Variants in GPC6 observed in about 807,000 individuals in gnomAD.
GPC6 encodes the protein glypican 6.
In GPC6, 14 loss-of-function variants were observed where a neutral mutation model predicts 55.2. The observed-to-expected ratio is 0.25, with a 90% CI of 0.17 to 0.40. The LOEUF is 0.40. GPC6 is among the 10% of genes least tolerant of loss of function. The pLI is 1.00. For missense variants in GPC6, 641 were observed against 708.5 expected (o/e 0.90, Z 1.08); for synonymous variants, 278 against 259.6 (o/e 1.07, Z -0.68).
chr13:93,479,812 G>T (rs774809116), intron 1 of GPC6, among the ~76,000 whole-genome samples: 1 of 152,182 alleles, frequency 6.6e-6, no homozygotes, highest in African/African-American at 2.4e-5. Flanking sequence ...GCTGAAAATT[G>T]TGAGTAATAA....
chr13:94,244,269 G>C (rs1465388911), intron 4 of GPC6, among the ~76,000 whole-genome samples: 1 of 152,130 alleles, frequency 6.6e-6, no homozygotes, highest in South Asian at 2.1e-4. Context: ...ACTCCGCAAA[G>C]CTTAATTATG....
chr13:93,765,308 T>TTCCAGATAAGCTGTCTGGAAA, intron 2 of GPC6, among the ~76,000 whole-genome samples: 1 of 148,686 alleles, frequency 6.7e-6, no homozygotes, highest in Non-Finnish European at 1.5e-5. Flanking sequence ...AAAGACAACT[T>TTCCAGATAAGCTGTCTGGAAA]ATTTGGTTTA....
At chr13:94,085,321 C>CA (rs33967804) in intron 4 of GPC6, among the ~76,000 whole-genome samples, 25,893 of 86,430 alleles carry the variant, frequency 0.3, 4,624 homozygotes, top group Non-Finnish European at 0.39. Context: ...GATTCTGTCT[C>CA]AAAAAAAAAA....
intron 3 of GPC6, among the ~76,000 whole-genome samples, chr13:93,996,417 A>C (rs1881557846): frequency 1.3e-5 from 2 of 152,158 alleles, no homozygotes; most frequent in South Asian, 4.1e-4. Context: ...ACTTGGTTTC[A>C]ATAAAACTTT....
intron 2 of GPC6, among the ~76,000 whole-genome samples, chr13:93,597,362 G>C (rs535030217): frequency 9.9e-5 from 15 of 152,246 alleles, no homozygotes; most frequent in Admixed American, 3.3e-4. Flanking sequence ...TTTCCCTATG[G>C]TGGTGTGAAG....
At chr13:94,027,974 G>T (rs1566307390) in intron 4 of GPC6, 80 bp downstream of exon 4, 2 of 1,291,678 alleles carry the variant, frequency 1.5e-6, no homozygotes, top group Admixed American at 1.7e-5. Flanking sequence ...TGGGTCAGAA[G>T]TTATAAGAAA....
chr13:93,554,145 CAA>C (rs35616377), intron 2 of GPC6, among the ~76,000 whole-genome samples: 1 of 136,878 alleles, frequency 7.3e-6, no homozygotes, highest in Non-Finnish European at 1.6e-5. Context: ...GAGACTCTGT[CAA>C]AAAAAAAAAA....
intron 1 of GPC6, among the ~76,000 whole-genome samples, chr13:93,255,731 A>G (rs1431590182): frequency 6.6e-6 from 1 of 152,180 alleles, no homozygotes; most frequent in Non-Finnish European, 1.5e-5. Flanking sequence ...TCTAATCTGG[A>G]AAATATAAGC....
intron 1 of GPC6, among the ~76,000 whole-genome samples, chr13:93,466,797 G>A (rs974542): frequency 0.18 from 27,687 of 152,076 alleles, 3,058 homozygotes; most frequent in East Asian, 0.48. Flanking sequence ...TCATGTGCTG[G>A]TGGAGTACTA....
intron 1 of GPC6, among the ~76,000 whole-genome samples, chr13:93,292,091 A>G (rs1878337158): frequency 6.6e-6 from 1 of 152,206 alleles, no homozygotes; most frequent in African/African-American, 2.4e-5. Context: ...CACAATGATA[A>G]ATAAATCAAA....
intron 1 of GPC6, among the ~76,000 whole-genome samples, chr13:93,500,449 A>G (rs898214117): frequency 9.9e-5 from 15 of 152,168 alleles, no homozygotes; most frequent in African/African-American, 3.6e-4. Flanking sequence ...GCCAGCTAGT[A>G]GGAGAACATT....
chr13:93,911,151 G>C (rs1292110857), intron 3 of GPC6, among the ~76,000 whole-genome samples: 1 of 152,182 alleles, frequency 6.6e-6, no homozygotes, highest in Non-Finnish European at 1.5e-5. Flanking sequence ...TATACAAAGA[G>C]GAACAGAGTT....
chr13:93,448,188 G>T (rs1325542054), intron 1 of GPC6, among the ~76,000 whole-genome samples: 2 of 152,142 alleles, frequency 1.3e-5, no homozygotes, highest in East Asian at 3.9e-4. Flanking sequence ...GGTCAAGGAT[G>T]AACCACATAT....
intron 2 of GPC6, among the ~76,000 whole-genome samples, chr13:93,640,808 C>T (rs1278367658): frequency 2.6e-5 from 2 of 78,228 alleles, no homozygotes; most frequent in African/African-American, 3.9e-5. Flanking sequence ...TCCTTCCTTC[C>T]TTCCTTCTTT....
At chr13:93,421,537 G>A (rs902490691) in intron 1 of GPC6, among the ~76,000 whole-genome samples, 1 of 152,100 alleles carries the variant, frequency 6.6e-6, no homozygotes, top group Non-Finnish European at 1.5e-5. Flanking sequence ...ACAACGTCGA[G>A]CTATATACAT....
intron 3 of GPC6, among the ~76,000 whole-genome samples, chr13:93,929,273 A>T (rs2140352834): frequency 6.6e-6 from 1 of 152,300 alleles, no homozygotes; most frequent in Non-Finnish European, 1.5e-5. Context: ...AGTTTTATCC[A>T]AGTACAGATC....
intron 3 of GPC6, among the ~76,000 whole-genome samples, chr13:93,988,458 C>T (rs140248568): frequency 5.9e-5 from 9 of 152,216 alleles, no homozygotes; most frequent in East Asian, 3.9e-4. Context: ...TAATGCATTA[C>T]GTTAAATGAT....
At chr13:94,025,802 C>G (rs1484306841) in intron 3 of GPC6, among the ~76,000 whole-genome samples, 1 of 152,102 alleles carries the variant, frequency 6.6e-6, no homozygotes, top group Non-Finnish European at 1.5e-5. Context: ...TATTTTACTT[C>G]ATTTATTTGA....
intron 3 of GPC6, among the ~76,000 whole-genome samples, chr13:94,002,743 A>G (rs1881860478): frequency 6.6e-6 from 1 of 152,170 alleles, no homozygotes; most frequent in Non-Finnish European, 1.5e-5. Flanking sequence ...TTTTAGCAGA[A>G]GATTTTTGCC....
Sources: gnomAD v4.1 joint callset for allele counts (sites outside exome capture counted in the v4.1 genomes callset) on GRCh38, gnomAD v4.1.1 for gene constraint, MANE v1.5 for transcripts, NCBI Gene and HGNC (gene_info 2026-07-23, HGNC 2026-07-21) for gene names.